The following TRIM16 variants were observed in gnomAD, a reference collection of about 807,000 sequenced individuals.
TRIM16 encodes the protein tripartite motif containing 16, also known as tripartite motif-containing protein 16.
TRIM16 carries 33 observed loss-of-function variants against 50.4 expected under a neutral mutation model. That is an observed-to-expected ratio of 0.65 (90% CI 0.50 to 0.88). The LOEUF (loss-of-function observed/expected upper bound fraction) is 0.88, where lower values mean the gene tolerates loss of function less well. Ranked by LOEUF, TRIM16 falls within the 40% of genes least tolerant of loss-of-function variation. The pLI, the probability that TRIM16 is intolerant of heterozygous loss-of-function variation, is 0.00. For missense variants in TRIM16, 581 were observed against 686.8 expected, an observed-to-expected ratio of 0.85 and a Z score of 1.72; for synonymous variants, 229 against 270.7, an observed-to-expected ratio of 0.85 and a Z score of 1.51.
Position 15,657,574 on chromosome 17 carries a change from G to A in TRIM16, c.-337-5628C>T, listed in dbSNP as rs542798821. Among the ~76,000 whole-genome samples the A allele has an allele frequency of 1.4e-4, 21 of 152,272 alleles. No homozygotes were observed. The South Asian group carries it at 1.9e-3, about 14-fold the overall frequency. Reference sequence around the variant, plus strand: ...CCCCCTCCAGCCTTTGGAAGCTACCGTTCTACTTTCTGTCTATAATTGTGA... The same window carrying A: ...CCCCCTCCAGCCTTTGGAAGCTACCATTCTACTTTCTGTCTATAATTGTGA... On this transcript the variant is annotated intron_variant, in intron 6 of 11. Coordinates refer to ENST00000649191, the MANE Select transcript of TRIM16 (RefSeq NM_001348119.1).
intron 6 of TRIM16, among the ~76,000 whole-genome samples, chr17:15,671,027 C>T (rs1408294700): frequency 6.6e-6 from 1 of 152,300 alleles, no homozygotes; most frequent in African/African-American, 2.4e-5. Flanking sequence ...CTTCTTTATT[C>T]ACCGTGTTGC....
chr17:15,650,721 A>C (rs1265784358), intron 7 of TRIM16, among the ~76,000 whole-genome samples: 1 of 152,148 alleles, frequency 6.6e-6, no homozygotes, highest in Non-Finnish European at 1.5e-5. Context: ...TGCCATGCAG[A>C]TCCAGCCACA....
At chr17:15,640,716 G>C (rs866850436) in intron 8 of TRIM16, among the ~76,000 whole-genome samples, 2 of 148,924 alleles carry the variant, frequency 1.3e-5, no homozygotes, top group African/African-American at 2.5e-5. Context: ...ATTTGGGAGC[G>C]GGGGCAAATG....
At chr17:15,667,750 A>G (rs1157266175) in intron 6 of TRIM16, among the ~76,000 whole-genome samples, 1 of 152,180 alleles carries the variant, frequency 6.6e-6, no homozygotes, top group Non-Finnish European at 1.5e-5. Flanking sequence ...GGTACATAAG[A>G]CCCTTCAATC....
intron 11 of TRIM16, among the ~76,000 whole-genome samples, chr17:15,630,507 T>C (rs1986360777): frequency 6.6e-6 from 1 of 152,228 alleles, no homozygotes; most frequent in Non-Finnish European, 1.5e-5. Context: ...TTAAAGGCTA[T>C]TAAAACAATC....
chr17:15,645,832 T>TC (rs776554668), intron 7 of TRIM16, among the ~76,000 whole-genome samples: 3 of 152,176 alleles, frequency 2.0e-5, no homozygotes, highest in Non-Finnish European at 2.9e-5. Flanking sequence ...CAGTGACCTC[T>TC]CACCCTTGAT....
chr17:15,637,129 C>T (rs1182149210), intron 8 of TRIM16, among the ~76,000 whole-genome samples: 8 of 101,234 alleles, frequency 7.9e-5, no homozygotes, highest in South Asian at 6.3e-4. Flanking sequence ...GGGGGGGGGT[C>T]AGCCCCCCGC....
chr17:15,666,272 G>T (rs982045905), intron 6 of TRIM16, among the ~76,000 whole-genome samples: 5 of 151,880 alleles, frequency 3.3e-5, no homozygotes, highest in African/African-American at 9.7e-5. Flanking sequence ...TTTAGAGATA[G>T]GGTCTCACTG....
intron 1 of TRIM16, 47 bp from the exon 2 acceptor site, chr17:15,683,204 T>C: frequency 7.2e-7 from 1 of 1,384,694 alleles, no homozygotes; most frequent in Non-Finnish European, 9.9e-7. Context: ...TTTCATTGTA[T>C]TTCTTTTTTC....
chr17:15,667,885 TC>T (rs1296865753), intron 6 of TRIM16, among the ~76,000 whole-genome samples: 4 of 152,148 alleles, frequency 2.6e-5, no homozygotes, highest in African/African-American at 7.2e-5. Flanking sequence ...ACTCAGATTT[TC>T]TTTTTTTTTT....
At chr17:15,639,024 A>C (rs538923908) in intron 8 of TRIM16, among the ~76,000 whole-genome samples, 3 of 146,042 alleles carry the variant, frequency 2.1e-5, no homozygotes, top group South Asian at 4.6e-4. Context: ...GACACAGACA[A>C]TCTCCCTACA....
rs146366659 is a variant in TRIM16, at chr17:15,677,473, C to T, written c.-443+102G>A. 5.5e-3 allele frequency: 5,422 copies of T among 978,238 alleles called. 22 individuals carry two copies. The highest frequency in any genetic ancestry group is 5.8e-3 in the Non-Finnish European group (4,805 of 821,688). The allele number at this position is 978,238 out of a possible 1,614,324, so 60.6% of individuals were successfully genotyped here. A position where few individuals can be genotyped will look rare whatever the true frequency, so the allele number is the denominator to read the frequency against. Reference sequence around the variant, plus strand: ...ATCTGGATTCTGTGGGGGAAAATAACCAAAGCCTCATTTGTTACCATTCCC... The same window carrying T: ...ATCTGGATTCTGTGGGGGAAAATAATCAAAGCCTCATTTGTTACCATTCCC... On this transcript the variant is annotated intron_variant, in intron 5 of 11. Coordinates refer to ENST00000649191, the MANE Select transcript of TRIM16 (RefSeq NM_001348119.1).
In TRIM16 at chr17:15,651,220, G is replaced by A. The variant is rs1205969592; in HGVS notation, c.390C>T (p.Tyr130=). 1 of 1,614,256 alleles carries A rather than the reference G, an allele frequency of 6.2e-7. No individual in the cohort carries two copies. Among genetic ancestry groups the A allele is most frequent in the Non-Finnish European group, 8.5e-7 (1 of 1,180,048 alleles). Residue 130 remains tyrosine, a synonymous_variant, in exon 7 of 12, where the codon TAC becomes TAT. Coordinates refer to ENST00000649191, the MANE Select transcript of TRIM16 (RefSeq NM_001348119.1). The part of the protein sequence containing the change: ...TEPVKDHNWR[Y]CPAHHSPLSA... ...ACAGTGGGCTGTGGTGGGCAGGGCA[G>A]TATCGCCAGTTGTGGTCCTTCACTG... is the stretch of plus-strand genomic sequence containing the variant.
chr17:15,655,613 C>T (rs1049288599), intron 6 of TRIM16, among the ~76,000 whole-genome samples: 16 of 151,470 alleles, frequency 1.1e-4, no homozygotes, highest in Admixed American at 5.9e-4. Context: ...ATCGCTCTGT[C>T]GCCCAGGCTG....
intron 6 of TRIM16, among the ~76,000 whole-genome samples, chr17:15,670,696 G>C (rs1412161675): frequency 6.6e-6 from 1 of 152,146 alleles, no homozygotes; most frequent in South Asian, 2.1e-4. Flanking sequence ...CTATACAATT[G>C]TAAGTATTTT....
chr17:15,646,708 G>T (rs552563138), intron 7 of TRIM16, among the ~76,000 whole-genome samples: 2 of 151,322 alleles, frequency 1.3e-5, no homozygotes, highest in East Asian at 3.9e-4. Flanking sequence ...GAAGAGAGAA[G>T]AAAATCCCAG....
At chr17:15,668,589 C>T (rs549491157) in intron 6 of TRIM16, among the ~76,000 whole-genome samples, 1 of 152,270 alleles carries the variant, frequency 6.6e-6, no homozygotes, top group East Asian at 1.9e-4. Context: ...TAGCCTCTGG[C>T]CTTCCTTCAG....
At chr17:15,638,240 T>C (rs1333253481) in intron 8 of TRIM16, among the ~76,000 whole-genome samples, 1 of 107,538 alleles carries the variant, frequency 9.3e-6, no homozygotes, top group Non-Finnish European at 1.8e-5. Context: ...CCAAGAATTA[T>C]CAATAAAAAA....
At chr17:15,642,060 T>A (rs1325514602) in intron 8 of TRIM16, among the ~76,000 whole-genome samples, 1 of 148,518 alleles carries the variant, frequency 6.7e-6, no homozygotes, top group African/African-American at 2.5e-5. Context: ...GCCAGACTGG[T>A]CTCGAACTCC....
Sources: gnomAD v4.1 joint callset for allele counts (sites outside exome capture counted in the v4.1 genomes callset) on GRCh38, gnomAD v4.1.1 for gene constraint, MANE v1.5 for transcripts, NCBI Gene and HGNC (gene_info 2026-07-23, HGNC 2026-07-21) for gene names.